Variants in PRIM2 observed in about 807,000 individuals in gnomAD.
The protein encoded by PRIM2 is DNA primase subunit 2.
In PRIM2, 39 loss-of-function variants were observed where a neutral mutation model predicts 67.3. The ratio of observed to expected loss-of-function variants is 0.58; its 90% CI spans 0.45 to 0.76. PRIM2 has a LOEUF of 0.76. Ranked by LOEUF, PRIM2 falls within the 30% of genes least tolerant of loss-of-function variation. The pLI is 0.00. For missense variants in PRIM2, 398 were observed against 598.7 expected, an observed-to-expected ratio of 0.66 and a Z score of 3.50; for synonymous variants, 143 against 198.7, an observed-to-expected ratio of 0.72 and a Z score of 2.36.
intron 7 of PRIM2, among the ~76,000 whole-genome samples, chr6:57,418,375 T>A (rs1771341601): frequency 7.2e-6 from 1 of 138,522 alleles, no homozygotes; most frequent in East Asian, 2.1e-4. Context: ...ATGTTTCCTA[T>A]GTGTGTGGTT....
the PRIM2 span, among the ~76,000 whole-genome samples, chr6:57,242,064 G>A: frequency 5.3e-5 from 8 of 152,010 alleles, no homozygotes; most frequent in Admixed American, 3.9e-4. Flanking sequence ...ACTGATAAAG[G>A]CTCACTATTA....
intron 7 of PRIM2, among the ~76,000 whole-genome samples, chr6:57,494,721 A>G (rs1773968107): frequency 1.3e-5 from 2 of 152,182 alleles, no homozygotes; most frequent in Non-Finnish European, 1.5e-5. Context: ...AGGATTTGGA[A>G]CAACCCTGAT....
At chr6:57,234,498 G>C in the PRIM2 span, among the ~76,000 whole-genome samples, 2 of 152,076 alleles carry the variant, frequency 1.3e-5, no homozygotes, top group Non-Finnish European at 2.9e-5. Flanking sequence ...TTAGTAACTT[G>C]TGTCTGCTGT....
chr6:57,246,358 C>T, the PRIM2 span, among the ~76,000 whole-genome samples: 4 of 152,178 alleles, frequency 2.6e-5, no homozygotes, highest in Non-Finnish European at 2.9e-5. Context: ...ATTCTACCTA[C>T]GCTAGTATAT....
intron 5 of PRIM2, among the ~76,000 whole-genome samples, chr6:57,345,988 AT>A (rs1190509807): frequency 2.6e-5 from 4 of 152,342 alleles, no homozygotes; most frequent in Admixed American, 1.3e-4. Context: ...ATGGATTATA[AT>A]TAGCATATAG....
intron 8 of PRIM2, among the ~76,000 whole-genome samples, chr6:57,521,498 T>G (rs1774623302): frequency 6.6e-6 from 1 of 151,990 alleles, no homozygotes; most frequent in African/African-American, 2.4e-5. Flanking sequence ...TTTGTGCTAT[T>G]ATTACACCTG....
At chr6:57,236,708 T>G in the PRIM2 span, among the ~76,000 whole-genome samples, 11,302 of 152,154 alleles carry the variant, frequency 0.074, 1,464 homozygotes, top group African/African-American at 0.26. Flanking sequence ...GAATGATGGT[T>G]TCCAGCTTCA....
intron 5 of PRIM2, among the ~76,000 whole-genome samples, chr6:57,359,982 T>C (rs1769144738): frequency 6.6e-6 from 1 of 152,230 alleles, no homozygotes; most frequent in Non-Finnish European, 1.5e-5. Context: ...AGCTTTATTA[T>C]GTTTAGGACA....
At chr6:57,311,478 C>T (rs1024514642), upstream of PRIM2, among the ~76,000 whole-genome samples, 69 of 150,452 alleles carry the variant, frequency 4.6e-4, no homozygotes, top group African/African-American at 1.7e-3. Flanking sequence ...ACTGGGCGGC[C>T]GGGCAGAGGC....
At chr6:57,297,373 T>G in the PRIM2 span, among the ~76,000 whole-genome samples, 2 of 151,624 alleles carry the variant, frequency 1.3e-5, no homozygotes, top group African/African-American at 4.8e-5. Flanking sequence ...ACCTGGGAGG[T>G]GAAGGTTGCA....
intron 7 of PRIM2, chr6:57,505,186 T>A (rs1187716165): frequency 6.6e-6 from 1 of 152,248 alleles, no homozygotes; most frequent in African/African-American, 2.4e-5. Context: ...AGATGCATGC[T>A]CTTTTTGTAA....
intron 10 of PRIM2, among the ~76,000 whole-genome samples, chr6:57,571,738 A>C (rs1400973574): frequency 2.0e-5 from 3 of 152,240 alleles, no homozygotes; most frequent in Non-Finnish European, 4.4e-5. Flanking sequence ...AGTCAGACTC[A>C]CAAAACCAAA....
chr6:57,541,453 A>G (rs1465406209), intron 10 of PRIM2, among the ~76,000 whole-genome samples: 3 of 152,148 alleles, frequency 2.0e-5, no homozygotes, highest in Admixed American at 6.5e-5. Context: ...GTGAATATAT[A>G]TAATACAGTG....
At chr6:57,293,069 A>C in the PRIM2 span, among the ~76,000 whole-genome samples, 1 of 152,238 alleles carries the variant, frequency 6.6e-6, no homozygotes, top group East Asian at 1.9e-4. Flanking sequence ...AGAATGGGAG[A>C]AAATTTTTGC....
the PRIM2 span, among the ~76,000 whole-genome samples, chr6:57,274,357 C>G: frequency 3.9e-5 from 6 of 152,342 alleles, no homozygotes; most frequent in East Asian, 1.2e-3. Flanking sequence ...CTCCCTGCGG[C>G]CTTGCAGTTT....
the PRIM2 span, among the ~76,000 whole-genome samples, chr6:57,225,222 AC>A: frequency 2.0e-5 from 3 of 152,194 alleles, no homozygotes; most frequent in Admixed American, 1.3e-4. Flanking sequence ...TATGAAATAA[AC>A]CTTTTCTCCT....
intron 12 of PRIM2, among the ~76,000 whole-genome samples, chr6:57,619,425 A>T (rs1186460166): frequency 6.6e-6 from 1 of 152,214 alleles, no homozygotes; most frequent in Non-Finnish European, 1.5e-5. Flanking sequence ...GAAATCCCTG[A>T]TATAACTGAA....
In PRIM2 at chr6:57,379,901, A is replaced by G. The variant is rs1186757826; in HGVS notation, c.460A>G (p.Ile154Val). 1.2e-5 allele frequency: 18 copies of G among 1,536,228 alleles called. No homozygotes were observed. Among genetic ancestry groups the G allele is most frequent in the East Asian group, 9.8e-5 (4 of 40,876 alleles). ...LKDSQLQFEAISDEEKTLREQ... is the reference protein window; with the variant it reads ...LKDSQLQFEAVSDEEKTLREQ... Reference sequence around the variant, plus strand: ...AACAGCTTAAAATATGTTTTTTTAGATAAGTGATGAAGAGAAGACTCTTCG... The same window carrying G: ...AACAGCTTAAAATATGTTTTTTTAGGTAAGTGATGAAGAGAAGACTCTTCG... The change falls in exon 6 of 14, where the codon ATA (isoleucine) becomes GTA (valine). Residue 154 changes from isoleucine to valine, a missense_variant and splice_region_variant. This residue lies in a region of PRIM2 where 229 missense variants were observed against 383.6 expected (regional missense o/e 0.60). Coordinates refer to ENST00000615550, the MANE Select transcript of PRIM2 (RefSeq NM_000947.5).
the PRIM2 span, among the ~76,000 whole-genome samples, chr6:57,238,087 G>A: frequency 6.6e-6 from 1 of 152,126 alleles, no homozygotes; most frequent in South Asian, 2.1e-4. Flanking sequence ...CCTACAAAGA[G>A]ACTTAGACTC....
Sources: gnomAD v4.1 joint callset for allele counts (sites outside exome capture counted in the v4.1 genomes callset) on GRCh38, gnomAD v4.1.1 for gene constraint, gnomAD v4.1.1 regional missense constraint, MANE v1.5 for transcripts, NCBI Gene and HGNC (gene_info 2026-07-23, HGNC 2026-07-21) for gene names.